The following RSPH14 variants were observed in gnomAD, a reference collection of about 807,000 sequenced individuals.
RSPH14 encodes the protein rhabdoid tumor deletion region gene 1.
A neutral mutation model predicts 26.7 loss-of-function variants in RSPH14; 20 were observed. The observed-to-expected ratio is 0.75, with a 90% confidence interval of 0.53 to 1.09. RSPH14 has a LOEUF of 1.09. Among genes scored for constraint, RSPH14 ranks in the 50% least tolerant of loss-of-function variants. The probability of loss-of-function intolerance (pLI) is 0.00; values close to 1 mark genes in which losing one functional copy is unlikely to be tolerated. For missense variants in RSPH14, 449 were observed against 457.2 expected, an observed-to-expected ratio of 0.98 and a Z score of 0.16; for synonymous variants, 177 against 189.3, an observed-to-expected ratio of 0.93 and a Z score of 0.53.
rs769662275 is a variant in RSPH14, at chr22:23,063,916, C to T, written c.639G>A (p.Ala213=). The part of the protein sequence containing the change: ...NQNIRSKAAR[A]LLNVSISREG... ...CCAGGCCTCACCTGACATTAAGGAG[C>T]GCACGGGCGGCCTTGCTGCGGATGT... Residue 213 remains alanine, a synonymous_variant, in exon 5 of 7, where the codon GCG becomes GCA. Transcript: ENST00000216036. 28 of 1,613,980 alleles carry T rather than the reference C, an allele frequency of 1.7e-5. No individual in the cohort carries two copies. Among genetic ancestry groups the T allele is most frequent in the East Asian group, 1.3e-4 (6 of 44,892 alleles).
At chr22:23,111,350 G>T (rs2069652961) in intron 4 of RSPH14, among the ~76,000 whole-genome samples, 1 of 152,246 alleles carries the variant, frequency 6.6e-6, no homozygotes, top group Admixed American at 6.5e-5. Context: ...CCAGGCCAGG[G>T]GAGAGAGGCA....
chr22:23,173,593 A>C, the RSPH14 span, among the ~76,000 whole-genome samples: 1 of 149,324 alleles, frequency 6.7e-6, no homozygotes, highest in South Asian at 2.1e-4. Flanking sequence ...GACACATGCC[A>C]CAATGCTCAG....
At chr22:23,159,028 C>A in the RSPH14 span, 4 of 1,595,342 alleles carry the variant, frequency 2.5e-6, no homozygotes, top group Non-Finnish European at 3.4e-6. Context: ...GAAAATGCCT[C>A]CCCTTACAGC....
chr22:23,087,577 C>T (rs1355077490), intron 4 of RSPH14, among the ~76,000 whole-genome samples: 2 of 152,226 alleles, frequency 1.3e-5, no homozygotes, highest in East Asian at 3.8e-4. Context: ...GCTGGCTGTG[C>T]AGGAGACCGG....
At chr22:23,091,196 A>G (rs1405676863) in intron 4 of RSPH14, among the ~76,000 whole-genome samples, 2 of 152,228 alleles carry the variant, frequency 1.3e-5, no homozygotes, top group Non-Finnish European at 2.9e-5. Context: ...AGACATGTAC[A>G]TGGATCTGCG....
chr22:23,087,345 A>G (rs1326181721), intron 4 of RSPH14, among the ~76,000 whole-genome samples: 3 of 152,174 alleles, frequency 2.0e-5, no homozygotes, highest in South Asian at 2.1e-4. Flanking sequence ...GCGTGCCTGC[A>G]GTCCCAGCTA....
intron 4 of RSPH14, chr22:23,124,722 G>A (rs73878651): frequency 1.0e-3 from 180 of 179,542 alleles, no homozygotes; most frequent in African/African-American, 3.9e-3. Flanking sequence ...CACAGCCAGC[G>A]TTGTGGCCTG....
the RSPH14 span, chr22:23,157,893 C>T: frequency 1.3e-6 from 2 of 1,583,732 alleles, no homozygotes; most frequent in Non-Finnish European, 1.7e-6. Context: ...GGTTGGGGGG[C>T]TGCCCTGGCA....
At chr22:23,173,629 G>T in the RSPH14 span, among the ~76,000 whole-genome samples, 32,300 of 84,522 alleles carry the variant, frequency 0.38, 4,942 homozygotes, top group East Asian at 0.67. Flanking sequence ...TTGGTTTTTT[G>T]TTTTTTGTTT....
At chr22:23,130,777 G>C (rs1908634587) in intron 4 of RSPH14, among the ~76,000 whole-genome samples, 1 of 152,230 alleles carries the variant, frequency 6.6e-6, no homozygotes, top group South Asian at 2.1e-4. Context: ...TGAGGTGTCA[G>C]GCAGAGGGAA....
intron 4 of RSPH14, among the ~76,000 whole-genome samples, chr22:23,104,369 T>C (rs539679059): frequency 9.3e-4 from 141 of 152,278 alleles, no homozygotes; most frequent in African/African-American, 3.3e-3. Context: ...ATACACCTCC[T>C]GCTCTGCCTC....
Position 23,096,303 on chromosome 22 carries a change from G to A in RSPH14, c.422-32170C>T, listed in dbSNP as rs1423293042. The A allele has an allele frequency of 3.7e-6, 6 of 1,613,924 alleles. No homozygotes were observed. The highest frequency in any genetic ancestry group is 1.7e-5 in the Admixed American group (1 of 60,004). On this transcript the variant is annotated intron_variant, in intron 4 of 6. Coordinates refer to ENST00000216036, the MANE Select transcript of RSPH14 (RefSeq NM_014433.3). ...CTCACCTTCAAGATGGTGGACGTGG[G>A]GGGGCAGAGGTCAGAGCGCAAAAAG... is the stretch of plus-strand genomic sequence containing the variant.
At chr22:23,152,427 A>C in the RSPH14 span, 2 of 1,612,940 alleles carry the variant, frequency 1.2e-6, no homozygotes, top group East Asian at 2.2e-5. Flanking sequence ...CCTGGAAGGC[A>C]TGCCCGACGG....
At chr22:23,122,104 G>GT (rs935509630) in intron 4 of RSPH14, among the ~76,000 whole-genome samples, 2 of 152,156 alleles carry the variant, frequency 1.3e-5, no homozygotes. Context: ...TGCTCATTGA[G>GT]TTTATCTTAG....
At chr22:23,146,811 T>C, upstream of RSPH14, 5 of 1,419,580 alleles carry the variant, frequency 3.5e-6, no homozygotes, top group South Asian at 5.8e-5. Context: ...CAGATTTACC[T>C]TGAGGAGCTG....
intron 4 of RSPH14, among the ~76,000 whole-genome samples, chr22:23,116,510 C>T (rs886139702): frequency 6.6e-6 from 1 of 152,228 alleles, no homozygotes; most frequent in Non-Finnish European, 1.5e-5. Flanking sequence ...TCATGCAGGA[C>T]CATGGTCTTA....
intron 4 of RSPH14, among the ~76,000 whole-genome samples, chr22:23,081,482 C>A (rs2146272285): frequency 6.6e-6 from 1 of 152,252 alleles, no homozygotes; most frequent in African/African-American, 2.4e-5. Context: ...CAACTTTTAG[C>A]CATCAACAGT....
chr22:23,148,733 C>T (rs2070941932), upstream of RSPH14, among the ~76,000 whole-genome samples: 1 of 152,210 alleles, frequency 6.6e-6, no homozygotes, highest in African/African-American at 2.4e-5. Flanking sequence ...CTGAAATCAG[C>T]TCACACTTCT....
intron 4 of RSPH14, chr22:23,096,489 G>A: frequency 6.7e-7 from 1 of 1,482,522 alleles, no homozygotes; most frequent in Non-Finnish European, 9.1e-7. Flanking sequence ...GAGGACTCGT[G>A]AGGTCCAGGA....
Sources: allele counts gnomAD v4.1 joint callset (sites outside exome capture counted in the v4.1 genomes callset), GRCh38; gene constraint gnomAD v4.1.1; transcripts MANE v1.5; gene names NCBI Gene and HGNC (gene_info 2026-07-23, HGNC 2026-07-21).